The following CAMTA1 variants were observed in gnomAD, a reference collection of about 807,000 sequenced individuals.
CAMTA1 encodes the protein calmodulin binding transcription activator 1.
CAMTA1 carries 27 observed loss-of-function variants against 170.9 expected under a neutral mutation model. The observed-to-expected ratio is 0.16, with a 90% confidence interval of 0.12 to 0.22. CAMTA1 has a LOEUF of 0.22. CAMTA1 is among the 10% of genes least tolerant of loss of function. The pLI is 1.00. For missense variants in CAMTA1, 1,619 were observed against 2,217.2 expected, an observed-to-expected ratio of 0.73 and a Z score of 5.42; for synonymous variants, 833 against 891.5, an observed-to-expected ratio of 0.93 and a Z score of 1.17.
intron 6 of CAMTA1, among the ~76,000 whole-genome samples, chr1:7,474,028 G>A (rs954912886): frequency 6.6e-6 from 1 of 152,206 alleles, no homozygotes. Flanking sequence ...TGCCCTTCCG[G>A]GGCCACCCCC....
intron 11 of CAMTA1, among the ~76,000 whole-genome samples, chr1:7,705,605 A>G (rs1429417690): frequency 6.6e-6 from 1 of 151,788 alleles, no homozygotes; most frequent in African/African-American, 2.4e-5. Context: ...TCTCCTCAAC[A>G]CGGGTTTTTG....
At position 7,562,586 on chromosome 1, in the gene CAMTA1, CAT is replaced by C. The variant is rs2094973063; in HGVS notation, c.511-77813_511-77812del. ...GCAGTACCCGCTGTCACGCTGCCTG[CAT>C]GTCCCAGAAATGTTATCTCCTCTTT... On this transcript the variant is annotated intron_variant, in intron 6 of 22. Coordinates refer to ENST00000303635, the MANE Select transcript of CAMTA1 (RefSeq NM_015215.4). This position sits in a 1 kb window ranked among gnomAD's most constrained non-coding sequence, Gnocchi z 4.8. 6.6e-6 allele frequency among the ~76,000 whole-genome samples: 1 copy of C among 152,216 alleles called. No homozygotes were observed. The highest frequency in any genetic ancestry group is 2.1e-4 in the South Asian group (1 of 4,832).
intron 3 of CAMTA1, among the ~76,000 whole-genome samples, chr1:6,985,728 G>A (rs74954504): frequency 0.016 from 2,417 of 152,322 alleles, 67 homozygotes; most frequent in African/African-American, 0.055. Flanking sequence ...AGCAGTGCAC[G>A]GGGAGGATTG....
At chr1:6,932,092 G>C (rs1252896951) in intron 3 of CAMTA1, among the ~76,000 whole-genome samples, 6 of 152,202 alleles carry the variant, frequency 3.9e-5, no homozygotes, top group Non-Finnish European at 8.8e-5. Context: ...AACTCAGTGA[G>C]TTCTGGCATC....
At chr1:6,954,057 C>G (rs1178836991) in intron 3 of CAMTA1, among the ~76,000 whole-genome samples, 1 of 152,226 alleles carries the variant, frequency 6.6e-6, no homozygotes, top group Non-Finnish European at 1.5e-5. Context: ...TGAACCCTGA[C>G]CTCCACCATC....
At chr1:7,764,491 G>T (rs80221561) in intron 22 of CAMTA1, among the ~76,000 whole-genome samples, 3,088 of 152,306 alleles carry the variant, frequency 0.02, 99 homozygotes, top group African/African-American at 0.07. Flanking sequence ...TGAAGAGATT[G>T]TATCAACTTT....
chr1:7,194,782 G>A (rs767700406), intron 4 of CAMTA1, among the ~76,000 whole-genome samples: 15 of 152,148 alleles, frequency 9.9e-5, no homozygotes, highest in Non-Finnish European at 1.5e-4. Flanking sequence ...CCCTGTGCTC[G>A]GGAAGCAGCT....
In CAMTA1 at chr1:7,640,332, T is replaced by G. The variant is rs115274153; in HGVS notation, c.511-68T>G. On this transcript the variant is annotated intron_variant, in intron 6 of 22. Coordinates refer to ENST00000303635, the MANE Select transcript of CAMTA1 (RefSeq NM_015215.4). The stretch of plus-strand genomic sequence containing the variant: ...CAGTCTCTGCCTGCACCTGCGGGGT[T>G]GGGGGCGGCCCTGACCCTGGTGGGC... 163 of 1,576,848 alleles carry G rather than the reference T, an allele frequency of 1.0e-4. 1 individual carries two copies. In the African/African-American group the frequency reaches 2.1e-3, roughly 20 times the overall value.
At chr1:6,931,402 A>G (rs997396844) in intron 3 of CAMTA1, among the ~76,000 whole-genome samples, 1 of 152,208 alleles carries the variant, frequency 6.6e-6, no homozygotes, top group Admixed American at 6.5e-5. Context: ...GTGTCTCTAC[A>G]GGTAGCGTAG....
Position 6,970,996 on chromosome 1 carries a change from G to A in CAMTA1, c.235-120308G>A, listed in dbSNP as rs1486002914. Reference sequence around the variant, plus strand: ...CAAACTTCACTCCCTGGCCTTTGGAGGGAAGACCCTCTGGTTCGGGCCTTC... The same window carrying A: ...CAAACTTCACTCCCTGGCCTTTGGAAGGAAGACCCTCTGGTTCGGGCCTTC... On this transcript the variant is annotated intron_variant, in intron 3 of 22. Coordinates refer to ENST00000303635, the MANE Select transcript of CAMTA1 (RefSeq NM_015215.4). This position sits in a 1 kb window ranked among gnomAD's most constrained non-coding sequence, Gnocchi z 4.4. 2.0e-5 allele frequency among the ~76,000 whole-genome samples: 3 copies of A among 152,190 alleles called. No individual in the cohort carries two copies. The highest frequency in any genetic ancestry group is 4.4e-5 in the Non-Finnish European group (3 of 68,046).
intron 3 of CAMTA1, among the ~76,000 whole-genome samples, chr1:7,043,137 GA>G (rs1704739834): frequency 6.6e-6 from 1 of 152,186 alleles, no homozygotes; most frequent in Non-Finnish European, 1.5e-5. Context: ...GGGAACATTT[GA>G]CTGCCAAGGC....
At chr1:7,702,455 C>T (rs1302812389) in intron 11 of CAMTA1, among the ~76,000 whole-genome samples, 1 of 152,204 alleles carries the variant, frequency 6.6e-6, no homozygotes, top group Non-Finnish European at 1.5e-5. Context: ...CAAATCACCA[C>T]GAGTTCCCCG....
chr1:7,111,954 C>T (rs918949867), intron 4 of CAMTA1, among the ~76,000 whole-genome samples: 4 of 149,992 alleles, frequency 2.7e-5, no homozygotes, highest in African/African-American at 9.9e-5. Context: ...ATGAACTGAG[C>T]TACTGTGTGG....
chr1:7,666,410 C>T (rs2096002276), intron 9 of CAMTA1, among the ~76,000 whole-genome samples: 1 of 152,172 alleles, frequency 6.6e-6, no homozygotes, highest in Non-Finnish European at 1.5e-5. Flanking sequence ...CCCAGGCCGC[C>T]TCAGCTCCCG....
At position 7,768,548 on chromosome 1, in the gene CAMTA1, T is replaced by C. The variant is rs773388145; in HGVS notation, c.*2057T>C. The C allele has an allele frequency of 6.5e-6, 1 of 152,764 alleles. No homozygotes were observed. Among genetic ancestry groups the C allele is most frequent in the Non-Finnish European group, 1.5e-5 (1 of 68,036 alleles). The allele number at this position is 152,764 out of a possible 1,614,324, so 9.5% of individuals were successfully genotyped here. ...GGAAGGAAGGTAGATACAAAAAGAT[T>C]GTGGTAAAAACTGGGGTCAGTGCTC... is the stretch of plus-strand genomic sequence containing the variant. On this transcript the variant is annotated 3_prime_UTR_variant, in exon 23 of 23. Transcript: ENST00000303635.
chr1:7,140,811 G>A (rs549902173), intron 4 of CAMTA1, among the ~76,000 whole-genome samples: 3 of 152,258 alleles, frequency 2.0e-5, no homozygotes, highest in African/African-American at 7.2e-5. Context: ...TAAACTTTAT[G>A]TCGCTTGAAA....
At chr1:7,226,198 C>A (rs1254543463) in intron 4 of CAMTA1, among the ~76,000 whole-genome samples, 1 of 152,176 alleles carries the variant, frequency 6.6e-6, no homozygotes, top group African/African-American at 2.4e-5. Flanking sequence ...AGGTTTATTG[C>A]AGTAAAAGGA....
intron 3 of CAMTA1, among the ~76,000 whole-genome samples, chr1:6,867,307 A>G (rs1202667855): frequency 2.0e-5 from 3 of 152,188 alleles, no homozygotes; most frequent in African/African-American, 7.2e-5. Context: ...GTAGAAAGAT[A>G]TTTAACTTGT....
In CAMTA1 at chr1:7,580,171, G is replaced by T. The variant is rs1361800898; in HGVS notation, c.511-60229G>T. ...AGAGGACACTGGTATGTGAACTGAG[G>T]CAGCGGGAAGAGCTCCTGGCCAAGG... On this transcript the variant is annotated intron_variant, in intron 6 of 22. Coordinates refer to ENST00000303635, the MANE Select transcript of CAMTA1 (RefSeq NM_015215.4). This position sits in a 1 kb window ranked among gnomAD's most constrained non-coding sequence, Gnocchi z 4.3. 6.6e-6 allele frequency among the ~76,000 whole-genome samples: 1 copy of T among 152,256 alleles called. No individual in the cohort carries two copies. The highest frequency in any genetic ancestry group is 1.5e-5 in the Non-Finnish European group (1 of 68,046).
Sources: gnomAD v4.1 joint callset for allele counts (sites outside exome capture counted in the v4.1 genomes callset) on GRCh38, gnomAD v4.1.1 for gene constraint, Gnocchi (gnomAD v3.1) non-coding constraint, MANE v1.5 for transcripts, NCBI Gene and HGNC (gene_info 2026-07-23, HGNC 2026-07-21) for gene names.